The following ARHGEF28 variants were observed in gnomAD, a reference collection of about 807,000 sequenced individuals.
ARHGEF28 encodes Rho guanine nucleotide exchange factor 28.
A neutral mutation model predicts 206.6 loss-of-function variants in ARHGEF28; 152 were observed. The ratio of observed to expected loss-of-function variants is 0.74; its 90% confidence interval spans 0.64 to 0.84. The LOEUF is 0.84. Ranked by LOEUF, ARHGEF28 falls within the 40% of genes least tolerant of loss-of-function variation. The pLI is 0.00. For missense variants in ARHGEF28, 2,028 were observed against 2,073.2 expected (o/e 0.98, Z 0.42); for synonymous variants, 763 against 776.4 (o/e 0.98, Z 0.29).
intron 1 of ARHGEF28, among the ~76,000 whole-genome samples, chr5:73,670,886 G>A (rs1746261076): frequency 6.6e-6 from 1 of 152,064 alleles, no homozygotes; most frequent in African/African-American, 2.4e-5. Flanking sequence ...TATGTGGTTT[G>A]CAAATATTTT....
chr5:73,700,349 C>T (rs145352282), intron 2 of ARHGEF28, among the ~76,000 whole-genome samples: 13 of 152,250 alleles, frequency 8.5e-5, no homozygotes, highest in Admixed American at 7.2e-4. Context: ...CTTCTATATA[C>T]ACACTTTTCT....
At chr5:73,680,187 C>A (rs2112237902) in intron 1 of ARHGEF28, among the ~76,000 whole-genome samples, 2 of 152,126 alleles carry the variant, frequency 1.3e-5, no homozygotes, top group Admixed American at 6.5e-5. Context: ...GTAATCCCAG[C>A]CCTTTGGGAG....
chr5:73,924,407 T>G (rs956363142), intron 35 of ARHGEF28, among the ~76,000 whole-genome samples: 7 of 152,232 alleles, frequency 4.6e-5, no homozygotes, highest in Non-Finnish European at 1.0e-4. Context: ...CAGTTGGATT[T>G]CTGATAGTAT....
At chr5:73,920,635 C>T (rs904828656) in intron 35 of ARHGEF28, among the ~76,000 whole-genome samples, 17 of 149,636 alleles carry the variant, frequency 1.1e-4, no homozygotes, top group South Asian at 2.2e-4. Context: ...CTGCAAGCTC[C>T]GCCTCTTGGG....
At chr5:73,866,731 T>C (rs1759729568) in intron 18 of ARHGEF28, among the ~76,000 whole-genome samples, 2 of 152,230 alleles carry the variant, frequency 1.3e-5, no homozygotes. Flanking sequence ...TTCTTTACAT[T>C]GCATACAAGA....
At chr5:73,910,009 T>C in intron 34 of ARHGEF28, 112 bp downstream of exon 34, 1 of 1,364,620 alleles carries the variant, frequency 7.3e-7, no homozygotes. Context: ...TAAGAAGACC[T>C]CATGAGGATT....
chr5:73,836,256 A>G (rs1338306084), intron 10 of ARHGEF28, among the ~76,000 whole-genome samples: 2 of 148,648 alleles, frequency 1.3e-5, no homozygotes, highest in African/African-American at 4.9e-5. Flanking sequence ...GCTGATTTAC[A>G]TTCCCAACAG....
At chr5:73,634,542 T>A (rs953862557) in intron 1 of ARHGEF28, among the ~76,000 whole-genome samples, 2 of 152,236 alleles carry the variant, frequency 1.3e-5, no homozygotes, top group Non-Finnish European at 2.9e-5. Context: ...ATGCCTTCTG[T>A]CTATAATTTG....
chr5:73,679,066 A>G (rs975879947), intron 1 of ARHGEF28, among the ~76,000 whole-genome samples: 1 of 152,202 alleles, frequency 6.6e-6, no homozygotes, highest in African/African-American at 2.4e-5. Flanking sequence ...TTTCAAAATT[A>G]TTTTTGTAGA....
At chr5:73,649,090 A>G (rs11959188) in intron 1 of ARHGEF28, among the ~76,000 whole-genome samples, 7,682 of 152,270 alleles carry the variant, frequency 0.05, 646 homozygotes, top group African/African-American at 0.18. Context: ...AATAGGCATT[A>G]TTATGTATGA....
At chr5:73,638,897 A>G (rs566183984) in intron 1 of ARHGEF28, among the ~76,000 whole-genome samples, 2 of 152,190 alleles carry the variant, frequency 1.3e-5, no homozygotes, top group South Asian at 2.1e-4. Context: ...ACTTTTTTCT[A>G]TAGAATTCCA....
intron 35 of ARHGEF28, among the ~76,000 whole-genome samples, chr5:73,936,733 T>G (rs1441934729): frequency 6.6e-6 from 1 of 152,200 alleles, no homozygotes; most frequent in East Asian, 1.9e-4. Context: ...TATTTTTACT[T>G]TTATTTTTAT....
chr5:73,784,390 G>T (rs1754029521), intron 7 of ARHGEF28, among the ~76,000 whole-genome samples: 1 of 152,090 alleles, frequency 6.6e-6, no homozygotes, highest in African/African-American at 2.4e-5. Flanking sequence ...GATTCTAGTT[G>T]TACTCCCAGA....
At chr5:73,915,646 A>G (rs1258090411) in intron 35 of ARHGEF28, among the ~76,000 whole-genome samples, 1 of 152,226 alleles carries the variant, frequency 6.6e-6, no homozygotes, top group Non-Finnish European at 1.5e-5. Context: ...ACAAAGAAAC[A>G]ACAATAAAAA....
chr5:73,655,306 C>T (rs1745118144), intron 1 of ARHGEF28, among the ~76,000 whole-genome samples: 1 of 148,688 alleles, frequency 6.7e-6, no homozygotes, highest in African/African-American at 2.4e-5. Context: ...TGGAGACTTA[C>T]AAGAGTGACA....
At chr5:73,648,870 C>T (rs553518813) in intron 1 of ARHGEF28, among the ~76,000 whole-genome samples, 145 of 152,322 alleles carry the variant, frequency 9.5e-4, no homozygotes, top group African/African-American at 3.2e-3. Context: ...CTTCTCCTTT[C>T]CATGAATGGT....
At chr5:73,911,983 T>G (rs1348711128) in intron 35 of ARHGEF28, among the ~76,000 whole-genome samples, 1 of 152,162 alleles carries the variant, frequency 6.6e-6, no homozygotes, top group African/African-American at 2.4e-5. Flanking sequence ...AGTGGGACTT[T>G]ATCAGGGCAA....
chr5:73,893,061 G>A (rs563478422), intron 27 of ARHGEF28, 136 bp from the exon 28 acceptor site: 11 of 636,490 alleles, frequency 1.7e-5, no homozygotes, highest in Non-Finnish European at 2.3e-5. Flanking sequence ...TGGCCAGGGG[G>A]GATGATGCAT....
chr5:73,833,134 T>G (rs1393950502), intron 10 of ARHGEF28, among the ~76,000 whole-genome samples: 3 of 152,178 alleles, frequency 2.0e-5, no homozygotes, highest in African/African-American at 7.2e-5. Context: ...TTTATAAAAA[T>G]TATAGATCTG....
Sources: gnomAD v4.1 joint callset for allele counts (sites outside exome capture counted in the v4.1 genomes callset) on GRCh38, gnomAD v4.1.1 for gene constraint, MANE v1.5 for transcripts, NCBI Gene and HGNC (gene_info 2026-07-23, HGNC 2026-07-21) for gene names.